NRP1: variants seen among roughly 807,000 people sequenced by gnomAD.
NRP1 encodes the protein neuropilin-1.
A neutral mutation model predicts 106.7 loss-of-function variants in NRP1; 35 were observed. The observed-to-expected ratio is 0.33, with a 90% confidence interval of 0.25 to 0.43. The LOEUF (loss-of-function observed/expected upper bound fraction) is 0.43, where lower values mean the gene tolerates loss of function less well. Ranked by LOEUF, NRP1 falls within the 20% of genes least tolerant of loss-of-function variation. The pLI is 1.00. For synonymous variants in NRP1, 437 were observed against 417.9 expected, an observed-to-expected ratio of 1.05 and a Z score of -0.56; for missense variants, 1,024 against 1,170.4, an observed-to-expected ratio of 0.87 and a Z score of 1.83.
rs543672621 is a variant in NRP1 at position 33,186,591 on chromosome 10, C to T, written c.2063-103G>A. 7.0e-4 allele frequency: 931 copies of T among 1,338,686 alleles called. 2 individuals carry two copies. The highest frequency in any genetic ancestry group is 1.3e-3 in the Middle Eastern group (7 of 5,234). 82.9% of individuals were successfully genotyped at this position (1,338,686 alleles called of 1,614,324 possible). ...AATCAAAAGCTTCCTGCGCTGAGCACCAAGAACCCAAATACGTAGTGGAAA... is the reference window on the plus strand; with the variant it reads ...AATCAAAAGCTTCCTGCGCTGAGCATCAAGAACCCAAATACGTAGTGGAAA... On this transcript the variant is annotated intron_variant, in intron 13 of 16. Coordinates refer to ENST00000374867, the MANE Select transcript of NRP1 (RefSeq NM_003873.7).
Position 33,184,039 on chromosome 10 carries a change from T to C in NRP1, c.2432-1291A>G, listed in dbSNP as rs144461494. Among the ~76,000 whole-genome samples the C allele has an allele frequency of 6.8e-4, 104 of 152,134 alleles. 1 individual carries two copies. The highest frequency in any genetic ancestry group is 1.9e-4 in the Non-Finnish European group (13 of 67,992). ...CTTTTTTCTTTTTTTTGAAATGGGG[T>C]CTTGCTCTGTGGCCTAGGCTGGAGT... On this transcript the variant is annotated intron_variant, in intron 15 of 16. Transcript: ENST00000374867.
At chr10:33,283,636 T>G (rs893343404) in intron 2 of NRP1, among the ~76,000 whole-genome samples, 29 of 152,384 alleles carry the variant, frequency 1.9e-4, no homozygotes, top group African/African-American at 6.5e-4. Context: ...TTCTTTTCAC[T>G]GATTTGCCTT....
chr10:33,329,014 G>T (rs1037453850), intron 2 of NRP1, among the ~76,000 whole-genome samples: 2 of 152,044 alleles, frequency 1.3e-5, no homozygotes, highest in African/African-American at 4.8e-5. Context: ...TTTAAACATG[G>T]TCAAAAAGCA....
chr10:33,327,805 C>T (rs1044368283), intron 2 of NRP1, among the ~76,000 whole-genome samples: 2 of 152,152 alleles, frequency 1.3e-5, no homozygotes, highest in African/African-American at 4.8e-5. Context: ...ACTAGTCATT[C>T]ATATGAATCA....
At chr10:33,300,864 A>C (rs1007255267) in intron 2 of NRP1, among the ~76,000 whole-genome samples, 3 of 152,100 alleles carry the variant, frequency 2.0e-5, no homozygotes, top group Non-Finnish European at 4.4e-5. Context: ...TTGATGTCTC[A>C]TGTCTCCCTA....
intron 8 of NRP1, among the ~76,000 whole-genome samples, chr10:33,220,623 C>T (rs576642333): frequency 3.3e-5 from 5 of 152,230 alleles, no homozygotes; most frequent in East Asian, 3.9e-4. Flanking sequence ...AGGCTGGGCG[C>T]GGTGGCTCAC....
chr10:33,314,277 C>T (rs1319707503), intron 2 of NRP1, among the ~76,000 whole-genome samples: 13 of 152,164 alleles, frequency 8.5e-5, no homozygotes, highest in East Asian at 1.9e-4. Context: ...TTTATAGAGA[C>T]GGTATTGCCC....
intron 13 of NRP1, among the ~76,000 whole-genome samples, chr10:33,189,122 C>G (rs1836233918): frequency 6.9e-6 from 1 of 145,600 alleles, no homozygotes. Flanking sequence ...GTATAAAGAA[C>G]CAGCAGTGTC....
At chr10:33,277,709 C>T (rs932411482) in intron 2 of NRP1, among the ~76,000 whole-genome samples, 1 of 152,154 alleles carries the variant, frequency 6.6e-6, no homozygotes, top group African/African-American at 2.4e-5. Flanking sequence ...TATAAAATTG[C>T]ATGCTATGGA....
intron 2 of NRP1, among the ~76,000 whole-genome samples, chr10:33,303,993 T>C (rs1845976103): frequency 6.6e-6 from 1 of 152,228 alleles, no homozygotes; most frequent in African/African-American, 2.4e-5. Context: ...TCTGATTTTT[T>C]CCCAAATCTT....
At chr10:33,262,226 C>A (rs965202729) in intron 4 of NRP1, among the ~76,000 whole-genome samples, 1 of 152,276 alleles carries the variant, frequency 6.6e-6, no homozygotes, top group East Asian at 1.9e-4. Flanking sequence ...AAACACAAGA[C>A]AAGCAATGCA....
chr10:33,246,984 G>A (rs918618103), intron 6 of NRP1, among the ~76,000 whole-genome samples: 5 of 152,220 alleles, frequency 3.3e-5, no homozygotes, highest in Non-Finnish European at 5.9e-5. Context: ...TTTCACAGGC[G>A]ATACCTCTTC....
intron 3 of NRP1, among the ~76,000 whole-genome samples, chr10:33,269,080 A>G (rs1487267792): frequency 6.6e-6 from 1 of 152,154 alleles, no homozygotes; most frequent in Non-Finnish European, 1.5e-5. Flanking sequence ...TTTTCTATCG[A>G]AACAAGCTTT....
chr10:33,229,814 A>C (rs1406421724), intron 6 of NRP1, among the ~76,000 whole-genome samples: 8 of 152,160 alleles, frequency 5.3e-5, no homozygotes, highest in Non-Finnish European at 2.9e-5. Context: ...CTCATTAAAA[A>C]AGAAAGATTT....
chr10:33,244,970 A>G (rs1360256890), intron 6 of NRP1, among the ~76,000 whole-genome samples: 1 of 152,230 alleles, frequency 6.6e-6, no homozygotes, highest in Admixed American at 6.5e-5. Context: ...TAACATCTGT[A>G]TTTATTTAGC....
At chr10:33,225,457 G>C (rs189978936) in intron 7 of NRP1, among the ~76,000 whole-genome samples, 1 of 152,160 alleles carries the variant, frequency 6.6e-6, no homozygotes, top group African/African-American at 2.4e-5. Flanking sequence ...TGAATTCTCC[G>C]AAATCTTTTG....
rs192109081 is a variant in NRP1, at chr10:33,272,734, T to G, written c.249-1878A>C. Among the ~76,000 whole-genome samples the G allele has an allele frequency of 4.7e-4, 71 of 152,310 alleles. No individual in the cohort carries two copies. The East Asian group carries it at 0.012, about 26-fold the overall frequency. ...GCATGTTTCGCCCCACGCTTTCTTA[T>G]AATTTAACTGTGATTTGAACTGTTG... On this transcript the variant is annotated intron_variant, in intron 2 of 16. Transcript: ENST00000374867.
intron 13 of NRP1, among the ~76,000 whole-genome samples, chr10:33,187,364 T>C (rs2132602876): frequency 6.6e-6 from 1 of 151,174 alleles, no homozygotes; most frequent in Non-Finnish European, 1.5e-5. Context: ...TGTAGTAATC[T>C]TTTTTTTTAT....
Position 33,256,388 on chromosome 10 carries a change from A to G in NRP1, c.742T>C (p.Tyr248His), listed in dbSNP as rs1434061744. ...TCTTTTGCTATCGCGCTGTCGGTGTAAAAAACCATGGAGAGAATGCCCGAT... is the reference window on the plus strand; with the variant it reads ...TCTTTTGCTATCGCGCTGTCGGTGTGAAAAACCATGGAGAGAATGCCCGAT... ...SSSGILSMVF[Y>H]TDSAIAKEGF... Residue 248 changes from tyrosine to histidine, a missense_variant, in exon 5 of 17, where the codon TAC (tyrosine) becomes CAC (histidine). Transcript: ENST00000374867. The G allele has an allele frequency of 5.0e-6, 8 of 1,614,066 alleles. No homozygotes were observed. Among genetic ancestry groups the G allele is most frequent in the East Asian group, 4.5e-5 (2 of 44,894 alleles).
Sources: gnomAD v4.1 joint callset for allele counts (sites outside exome capture counted in the v4.1 genomes callset) on GRCh38, gnomAD v4.1.1 for gene constraint, MANE v1.5 for transcripts, NCBI Gene and HGNC (gene_info 2026-07-23, HGNC 2026-07-21) for gene names.